Variants in SFI1 observed in about 807,000 individuals in gnomAD.
SFI1 encodes SFI1 centrin binding protein, also known as protein SFI1 homolog.
SFI1 carries 195 observed loss-of-function variants against 207.5 expected under a neutral mutation model. The observed-to-expected ratio is 0.94, with a 90% CI of 0.84 to 1.06. The LOEUF (loss-of-function observed/expected upper bound fraction) is 1.06. SFI1 is among the 50% of genes least tolerant of loss of function. The pLI, the probability that SFI1 is intolerant of heterozygous loss-of-function variation, is 0.00. For synonymous variants in SFI1, 630 were observed against 598.9 expected (o/e 1.05, Z -0.76); for missense variants, 1,634 against 1,588.0 (o/e 1.03, Z -0.49).
chr22:31,594,712 G>C (rs531969232), intron 15 of SFI1, among the ~76,000 whole-genome samples: 2 of 150,388 alleles, frequency 1.3e-5, no homozygotes, highest in South Asian at 4.2e-4. Flanking sequence ...AAAATTAGCC[G>C]GGCGTGGTGG....
At chr22:31,576,467 G>A in intron 10 of SFI1, among the ~76,000 whole-genome samples, 1 of 145,452 alleles carries the variant, frequency 6.9e-6, no homozygotes, top group East Asian at 2.1e-4. Flanking sequence ...ATTACAGGCG[G>A]CCACCACCAT....
chr22:31,553,444 C>T (rs1009150475), intron 6 of SFI1, among the ~76,000 whole-genome samples: 3 of 151,666 alleles, frequency 2.0e-5, no homozygotes, highest in African/African-American at 7.3e-5. Flanking sequence ...CAACCTCGAC[C>T]TCCCGGGTTT....
chr22:31,582,110 T>G (rs142678927), intron 12 of SFI1, among the ~76,000 whole-genome samples: 1,553 of 148,890 alleles, frequency 0.01, 9 homozygotes, highest in Middle Eastern at 0.031. Flanking sequence ...GGTTCTTTTC[T>G]GATTGATTTT....
intron 4 of SFI1, among the ~76,000 whole-genome samples, chr22:31,536,156 C>G (rs2058977352): frequency 6.6e-6 from 1 of 152,084 alleles, no homozygotes; most frequent in Admixed American, 6.6e-5. Flanking sequence ...GAAGGGTACC[C>G]TGGCAGATGA....
At chr22:31,598,170 AGAG>A (rs1445374492) in intron 15 of SFI1, among the ~76,000 whole-genome samples, 3 of 150,486 alleles carry the variant, frequency 2.0e-5, no homozygotes, top group African/African-American at 7.3e-5. Flanking sequence ...TTTTTTTAGT[AGAG>A]AAGGGGTTTC....
chr22:31,590,839 C>T (rs2065761015), intron 15 of SFI1, among the ~76,000 whole-genome samples: 1 of 147,668 alleles, frequency 6.8e-6, no homozygotes, highest in Non-Finnish European at 1.5e-5. Context: ...GTCCATTTCC[C>T]CTTCTCTTTT....
In SFI1 at chr22:31,615,096, C is replaced by T; in HGVS notation, c.3117C>T (p.Ala1039=). 1 of 1,606,702 alleles carries T rather than the reference C, an allele frequency of 6.2e-7. No individual in the cohort carries two copies. The highest frequency in any genetic ancestry group is 1.1e-5 in the South Asian group (1 of 90,458). ...GCCTAGGCATGGCTCAGCCAGCAGC[C>T]CCCTCCCTGACGCGGCCCTTCCTGG... is the stretch of plus-strand genomic sequence containing the variant. ...EHGLGMAQPA[A]PSLTRPFLAE... is the part of the protein sequence containing the mutation. The change falls in exon 29 of 33, where the codon GCC becomes GCT. Residue 1039 remains alanine, a synonymous_variant. Transcript: ENST00000400288.
intron 2 of SFI1, among the ~76,000 whole-genome samples, chr22:31,518,965 G>A (rs1019910447): frequency 6.6e-6 from 1 of 152,206 alleles, no homozygotes; most frequent in Non-Finnish European, 1.5e-5. Context: ...TCCGCTGGGA[G>A]AGGATTCTTG....
chr22:31,517,143 A>G (rs1177061417), intron 2 of SFI1, among the ~76,000 whole-genome samples: 1 of 151,980 alleles, frequency 6.6e-6, no homozygotes, highest in Non-Finnish European at 1.5e-5. Flanking sequence ...CAAAAAAAAA[A>G]GAAAAAAAAA....
intron 1 of SFI1, among the ~76,000 whole-genome samples, chr22:31,502,105 A>C (rs1211353861): frequency 1.3e-5 from 2 of 152,168 alleles, no homozygotes; most frequent in African/African-American, 2.4e-5. Context: ...GTTCTTATGA[A>C]TCTTCTGTAC....
intron 8 of SFI1, among the ~76,000 whole-genome samples, chr22:31,568,210 GTATATATATA>G (rs1158605358): frequency 2.2e-4 from 25 of 114,596 alleles, no homozygotes; most frequent in African/African-American, 7.6e-4. Context: ...GTGTGTGTGT[GTATATATATA>G]TATATATTTT....
At chr22:31,607,478 C>A (rs1288981543) in intron 21 of SFI1, among the ~76,000 whole-genome samples, 1 of 151,794 alleles carries the variant, frequency 6.6e-6, no homozygotes, top group African/African-American at 2.4e-5. Context: ...TGGTGCATGC[C>A]TGTAATCCCA....
chr22:31,504,608 C>T (rs138043466), intron 1 of SFI1, among the ~76,000 whole-genome samples: 194 of 152,250 alleles, frequency 1.3e-3, no homozygotes, highest in African/African-American at 4.5e-3. Context: ...GTACCACAAA[C>T]CGGGTGGCTT....
At position 31,590,166 on chromosome 22, in the gene SFI1, A is replaced by G. The variant is rs1052422864; in HGVS notation, c.1544+589A>G. On this transcript the variant is annotated intron_variant, in intron 15 of 32. Transcript: ENST00000400288. ...AAGGGGTTGGCTGAGGCCCCCGTAC[A>G]TTAGGAAGAGAAGTCTGCTCTACTG... 5.3e-5 allele frequency among the ~76,000 whole-genome samples: 8 copies of G among 149,956 alleles called. No homozygotes were observed. In the East Asian group the frequency reaches 1.6e-3, roughly 30 times the overall value.
At chr22:31,607,800 T>TA in intron 21 of SFI1, 137 bp from the exon 22 acceptor site, 1 of 657,832 alleles carries the variant, frequency 1.5e-6, no homozygotes, top group Non-Finnish European at 2.7e-6. Flanking sequence ...GCAAGGCAGT[T>TA]ACTTCCTGGA....
chr22:31,562,508 T>C (rs907965734), intron 8 of SFI1, among the ~76,000 whole-genome samples: 4 of 152,152 alleles, frequency 2.6e-5, no homozygotes, highest in Non-Finnish European at 5.9e-5. Context: ...CTAAGTGCTT[T>C]ACGTGCATTA....
intron 1 of SFI1, among the ~76,000 whole-genome samples, chr22:31,499,680 G>C (rs1483452838): frequency 6.6e-6 from 1 of 152,124 alleles, no homozygotes; most frequent in African/African-American, 2.4e-5. Flanking sequence ...TTTGATGAAA[G>C]GAAGAGAGTC....
chr22:31,513,337 T>C (rs1040592258), intron 2 of SFI1, among the ~76,000 whole-genome samples: 4 of 151,922 alleles, frequency 2.6e-5, no homozygotes, highest in African/African-American at 4.8e-5. Context: ...TTTTGTATTT[T>C]TTGTAGAAAT....
intron 32 of SFI1, 24 bp downstream of exon 32, chr22:31,618,250 GT>G: frequency 8.1e-6 from 13 of 1,597,488 alleles, no homozygotes; most frequent in Non-Finnish European, 1.1e-5. Flanking sequence ...CCATCCCCAG[GT>G]GTCCCTGGGG....
Sources: allele counts gnomAD v4.1 joint callset (sites outside exome capture counted in the v4.1 genomes callset), GRCh38; gene constraint gnomAD v4.1.1; transcripts MANE v1.5; gene names NCBI Gene and HGNC (gene_info 2026-07-23, HGNC 2026-07-21).